Variants in TSPYL2 observed in about 807,000 individuals in gnomAD.
TSPYL2 encodes TSPY like 2.
In TSPYL2, 9 loss-of-function variants were observed where a neutral mutation model predicts 33.0. That is an observed-to-expected ratio of 0.27 (90% confidence interval 0.16 to 0.48). The LOEUF (loss-of-function observed/expected upper bound fraction) is 0.48. TSPYL2 is among the 20% of genes least tolerant of loss of function. The probability of loss-of-function intolerance (pLI) is 0.99; values close to 1 mark genes in which losing one functional copy is unlikely to be tolerated. For missense variants in TSPYL2, 636 were observed against 586.2 expected (o/e 1.08, Z -0.88); for synonymous variants, 330 against 233.6 (o/e 1.41, Z -3.77).
intron 6 of TSPYL2, 142 bp from the exon 7 acceptor site, chrX:53,087,630 CTGTT>C (rs1932786071): frequency 1.8e-6 from 1 of 545,730 alleles, no homozygotes; most frequent in African/African-American, 2.4e-5. Flanking sequence ...ACACTCTTGG[CTGTT>C]TGTTCCAAGC....
intron 1 of TSPYL2, among the ~76,000 whole-genome samples, chrX:53,084,161 G>C (rs1932699417): frequency 9.0e-6 from 1 of 111,711 alleles, no homozygotes; most frequent in Non-Finnish European, 1.9e-5. Flanking sequence ...AGCCATCAGA[G>C]CCATTCACAC....
chrX:53,083,432 A>G (rs1236749120), intron 1 of TSPYL2, 127 bp downstream of exon 1: 1 of 623,979 alleles, frequency 1.6e-6, no homozygotes, highest in Non-Finnish European at 2.5e-6. Context: ...CTATCGGAAG[A>G]CGGACTAGAC....
Position 53,087,978 on chromosome X carries a change from C to T in TSPYL2, c.*39C>T, listed in dbSNP as rs1556809244. On this transcript the variant is annotated 3_prime_UTR_variant, in exon 7 of 7. Transcript: ENST00000375442. ...TTGGGGATCACCTCTCTGTATCCCC[C>T]ACCCACTATCCCATTTGCCCTCCTC... The T allele has an allele frequency of 2.5e-6, 3 of 1,183,378 alleles. No individual in the cohort carries two copies. Among genetic ancestry groups the T allele is most frequent in the East Asian group, 3.0e-5 (1 of 33,667 alleles).
chrX:53,082,385 G>C lies in TSPYL2; in HGVS notation c.-114G>C, dbSNP rs1932629974. On this transcript the variant is annotated 5_prime_UTR_variant, in exon 1 of 7. Coordinates refer to ENST00000375442, the MANE Select transcript of TSPYL2 (RefSeq NM_022117.4). ...GAACGCCAGAGCGAGGTGGTGAGGA[G>C]AGCTGGTTGCGTGAGTCTCCTCAGC... The C allele has an allele frequency of 1.4e-6, 1 of 718,789 alleles. No homozygotes were observed. Among genetic ancestry groups the C allele is most frequent in the South Asian group, 3.0e-5 (1 of 33,682 alleles). 59.2% of individuals were successfully genotyped at this position (718,789 alleles called of 1,213,427 possible). A position where few individuals can be genotyped will look rare whatever the true frequency, so the allele number is the denominator to read the frequency against.
chrX:53,082,876 G>A lies in TSPYL2; in HGVS notation c.378G>A (p.Gly126=), dbSNP rs782532783. The A allele has an allele frequency of 3.3e-6, 4 of 1,210,673 alleles. No individual in the cohort carries two copies. In the Admixed American group the frequency reaches 6.5e-5, roughly 20 times the overall value. ...EALPTPEASG[G]SLEIDFQVVQ... ...TCCCCACTCCTGAGGCCTCGGGGGG[G>A]AGCCTGGAAATCGATTTTCAGGTTG... The change falls in exon 1 of 7, where the codon GGG becomes GGA. Residue 126 remains glycine, a synonymous_variant. Coordinates refer to ENST00000375442, the MANE Select transcript of TSPYL2 (RefSeq NM_022117.4).
chrX:53,084,805 C>T lies in TSPYL2; in HGVS notation c.936C>T (p.Phe312=), dbSNP rs1378809980. Residue 312 remains phenylalanine (F), a synonymous_variant, in exon 3 of 7, where the codon TTC becomes TTT. Transcript: ENST00000375442. ...ISMGYKMKLY[F]QTNPYFTNMV... ...TGGGCTACAAAATGAAGCTGTACTT[C>T]CAGACTAACCCCTACTTCACAAACA... The T allele has an allele frequency of 1.7e-5, 20 of 1,209,280 alleles. No individual in the cohort carries two copies. Among genetic ancestry groups the T allele is most frequent in the Middle Eastern group, 2.3e-4 (1 of 4,375 alleles).
At chrX:53,083,926 A>C (rs1556807696) in intron 1 of TSPYL2, among the ~76,000 whole-genome samples, 7 of 111,693 alleles carry the variant, frequency 6.3e-5, no homozygotes. Context: ...GAAAGGGGAG[A>C]GTAGACACAT....
rs1932656999 is a variant in TSPYL2 at position 53,082,901 on chromosome X, G to A, written c.403G>A (p.Val135Ile). ...GGSLEIDFQV[V>I]QSSSFGGEGA... is the part of the protein sequence containing the mutation. ...GAGCCTGGAAATCGATTTTCAGGTT[G>A]TACAGTCGAGCAGTTTTGGTGGAGA... Residue 135 changes from valine (V) to isoleucine (I), a missense_variant, in exon 1 of 7, where the codon GTA becomes ATA. By Grantham distance (29) the Val-to-Ile change is conservative. Around this residue, in one of 3 missense-constraint regions of TSPYL2, gnomAD observed 231 missense variants for 201.6 expected, o/e 1.15. Coordinates refer to ENST00000375442, the MANE Select transcript of TSPYL2 (RefSeq NM_022117.4). The A allele has an allele frequency of 2.5e-6, 3 of 1,211,076 alleles. No individual in the cohort carries two copies. Among genetic ancestry groups the A allele is most frequent in the Non-Finnish European group, 3.4e-6 (3 of 895,324 alleles).
chrX:53,082,717 GCCTC>G lies in TSPYL2; in HGVS notation c.223_226del (p.Pro75MetfsTer71). 1 of 1,152,904 alleles carries G rather than the reference GCCTC, an allele frequency of 8.7e-7. No individual in the cohort carries two copies. On this transcript the variant is annotated frameshift_variant, in exon 1 of 7. Transcript: ENST00000375442. LOFTEE classifies it high-confidence loss of function. ...GACTGGGCCCCGCGCTGCCCCCGCC[GCCTC>G]CCTATGTCATTCTCGAGGAGGGGGG...
rs1569228093 is a variant in TSPYL2 at position 53,084,593 on chromosome X, G to T, written c.856G>T (p.Asp286Tyr). 1 of 1,191,736 alleles carries T rather than the reference G, an allele frequency of 8.4e-7. No individual in the cohort carries two copies. Among genetic ancestry groups the T allele is most frequent in the Non-Finnish European group, 1.1e-6 (1 of 885,577 alleles). Residue 286 changes from aspartate (D) to tyrosine (Y), a missense_variant, in exon 2 of 7, where the codon GAC (aspartate) becomes TAC (tyrosine). This residue lies in a region of TSPYL2 where 401 missense variants were observed against 363.0 expected (regional missense o/e 1.10). Transcript: ENST00000375442. ...AATTTTGATCAACCGACGTGATGAAGACATTTTCCGCTACTTGACCAATCT... is the reference window on the plus strand; with the variant it reads ...AATTTTGATCAACCGACGTGATGAATACATTTTCCGCTACTTGACCAATCT... ...ISILINRRDE[D>Y]IFRYLTNLQV...
chrX:53,085,665 G>A lies in TSPYL2; in HGVS notation c.1273G>A (p.Glu425Lys), dbSNP rs199605770. 11 of 1,211,921 alleles carry A rather than the reference G, an allele frequency of 9.1e-6. No individual in the cohort carries two copies. The highest frequency in any genetic ancestry group is 1.2e-5 in the Non-Finnish European group (11 of 895,590). The change falls in exon 6 of 7, where the codon GAA becomes AAA. Residue 425 changes from glutamate to lysine, a missense_variant. Coordinates refer to ENST00000375442, the MANE Select transcript of TSPYL2 (RefSeq NM_022117.4). The part of the protein sequence containing the change: ...TRGRCEVVIM[E>K]DAPDYYAVED... The stretch of plus-strand genomic sequence containing the variant: ...GGGCAGATGTGAGGTGGTGATCATG[G>A]AAGACGCCCCTGACTATTATGCAGT...
intron 6 of TSPYL2, chrX:53,087,033 G>T (rs1932778138): frequency 8.8e-6 from 1 of 114,013 alleles, no homozygotes; most frequent in Non-Finnish European, 1.8e-5. Context: ...ATACCCTCTT[G>T]TAGAGTCACA....
Position 53,083,214 on chromosome X carries a change from G to A in TSPYL2, c.716G>A (p.Arg239His). The change falls in exon 1 of 7, where the codon CGT (arginine) becomes CAT (histidine). Residue 239 changes from arginine to histidine, a missense_variant. By Grantham distance (29) the Arg-to-His change is conservative. Transcript: ENST00000375442. ...ATCAAGGCAGGCAAAGCCTTCCTGC[G>A]TCTCAAGCGCAAGTTCATCCAGATG... ...VNIKAGKAFL[R>H]LKRKFIQMRR... 1 of 1,211,416 alleles carries A rather than the reference G, an allele frequency of 8.3e-7. No homozygotes were observed. Among genetic ancestry groups the A allele is most frequent in the Non-Finnish European group, 1.1e-6 (1 of 895,411 alleles).
intron 1 of TSPYL2, 84 bp from the exon 2 acceptor site, chrX:53,084,461 C>T: frequency 1.2e-6 from 1 of 829,398 alleles, no homozygotes; most frequent in Non-Finnish European, 1.7e-6. Context: ...ATGCTCCAGC[C>T]TCTCTTACTG....
At position 53,085,808 on chromosome X, in the gene TSPYL2, C is replaced by G; in HGVS notation, c.1416C>G (p.Ile472Met). 1.7e-6 allele frequency: 2 copies of G among 1,211,588 alleles called. No individual in the cohort carries two copies. The highest frequency in any genetic ancestry group is 3.5e-5 in the South Asian group (2 of 56,954). Residue 472 changes from isoleucine to methionine, a missense_variant, in exon 6 of 7, where the codon ATC becomes ATG. Coordinates refer to ENST00000375442, the MANE Select transcript of TSPYL2 (RefSeq NM_022117.4). ...CCACTGACAATGAGATAACTGACAT[C>G]AATGAGAACATCTGCGACAGCGAGA... is the stretch of plus-strand genomic sequence containing the variant. ...FETTDNEITD[I>M]NENICDSENP...
rs781827520 is a variant in TSPYL2 at position 53,085,773 on chromosome X, T to G, written c.1381T>G (p.Tyr461Asp). 1 of 1,211,623 alleles carries G rather than the reference T, an allele frequency of 8.3e-7. No individual in the cohort carries two copies. Among genetic ancestry groups the G allele is most frequent in the East Asian group, 3.0e-5 (1 of 33,860 alleles). Reference sequence around the variant, plus strand: ...CTCTGACTTCATGGAGACCACCGACTACTTCGAGACCACTGACAATGAGAT... The same window carrying G: ...CTCTGACTTCATGGAGACCACCGACGACTTCGAGACCACTGACAATGAGAT... The part of the protein sequence containing the change: ...KISDFMETTD[Y>D]FETTDNEITD... The change falls in exon 6 of 7, where the codon TAC (tyrosine) becomes GAC (aspartate). Residue 461 changes from tyrosine to aspartate, a missense_variant. This residue lies in a region of TSPYL2 where 401 missense variants were observed against 363.0 expected (regional missense o/e 1.10). Transcript: ENST00000375442.
In TSPYL2 at chrX:53,082,569, A is replaced by ACCCGCC. The variant is rs1348424181; in HGVS notation, c.78_83dup (p.Pro32_Pro33dup). ...AGCAGCTCCGAGTCTCCACAGCGCG[A>ACCCGCC]CCCGCCCCCGCCGCCGCCGCCGCCG... On this transcript the variant is annotated inframe_insertion, in exon 1 of 7. Transcript: ENST00000375442. 1.1e-5 allele frequency: 13 copies of ACCCGCC among 1,147,486 alleles called. No homozygotes were observed. The highest frequency in any genetic ancestry group is 7.4e-5 in the African/African-American group (4 of 53,891). The allele number at this position is 1,147,486 out of a possible 1,213,427, so 94.6% of individuals were successfully genotyped here.
chrX:53,084,484 C>G (rs1378871303), intron 1 of TSPYL2, 61 bp from the exon 2 acceptor site: 7 of 1,008,551 alleles, frequency 6.9e-6, no homozygotes, highest in Non-Finnish European at 9.4e-6. Context: ...CCCTTCCTGG[C>G]CTTCCCTCCC....
chrX:53,086,287 T>C lies in TSPYL2; in HGVS notation c.1895T>C (p.Val632Ala). Residue 632 changes from valine (V) to alanine (A), a missense_variant, in exon 6 of 7, where the codon GTG (valine) becomes GCG (alanine). Val to Ala is a moderately conservative substitution (Grantham distance 64). Around this residue, in one of 3 missense-constraint regions of TSPYL2, gnomAD observed 401 missense variants for 363.0 expected, o/e 1.10. Transcript: ENST00000375442. ...DVIEIISDES[V>A]EEEGIEEGIQ... ...ATAGAGATCATCTCAGACGAATCAG[T>C]GGAAGAAGAGGGCATTGAGGAAGGT... 1.7e-6 allele frequency: 2 copies of C among 1,208,542 alleles called. No individual in the cohort carries two copies. Among genetic ancestry groups the C allele is most frequent in the Non-Finnish European group, 2.2e-6 (2 of 894,210 alleles).
Sources: allele counts gnomAD v4.1 joint callset (sites outside exome capture counted in the v4.1 genomes callset), GRCh38; gene constraint gnomAD v4.1.1; regional missense constraint gnomAD v4.1.1; transcripts MANE v1.5; gene names NCBI Gene and HGNC (gene_info 2026-07-23, HGNC 2026-07-21).